EXT2: variants seen among roughly 807,000 people sequenced by gnomAD.
EXT2 encodes the protein exostosin-2.
EXT2 carries 53 observed loss-of-function variants against 81.6 expected under a neutral mutation model. The ratio of observed to expected loss-of-function variants is 0.65; its 90% CI spans 0.52 to 0.82. The LOEUF is 0.82. Among genes scored for constraint, EXT2 ranks in the 40% least tolerant of loss-of-function variants. The pLI is 0.00. For missense variants in EXT2, 774 were observed against 910.2 expected, an observed-to-expected ratio of 0.85 and a Z score of 1.93; for synonymous variants, 320 against 340.0, an observed-to-expected ratio of 0.94 and a Z score of 0.65.
intron 9 of EXT2, 122 bp downstream of exon 9, chr11:44,198,140 C>A: frequency 9.9e-7 from 1 of 1,009,158 alleles, no homozygotes; most frequent in Non-Finnish European, 1.5e-6. Context: ...AGACAGCATG[C>A]CTCCATTTTT....
rs941387610 is a variant in EXT2 at position 44,248,705 on chromosome 11, C to T, written c.*4418C>T. 9.9e-5 allele frequency among the ~76,000 whole-genome samples: 15 copies of T among 152,168 alleles called. No homozygotes were observed. The highest frequency in any genetic ancestry group is 2.1e-4 in the Non-Finnish European group (14 of 68,026). On this transcript the variant is annotated 3_prime_UTR_variant, in exon 14 of 14. Coordinates refer to ENST00000533608, the MANE Select transcript of EXT2 (RefSeq NM_207122.2). ...GTAAGCTCAAGCCACAGCCTCTTTT[C>T]CACCTCCATTAAATGGACTGTTAGG...
intron 5 of EXT2, among the ~76,000 whole-genome samples, chr11:44,125,216 A>G (rs1164207738): frequency 6.6e-6 from 1 of 152,156 alleles, no homozygotes; most frequent in Admixed American, 6.5e-5. Flanking sequence ...CCTTTCAGAT[A>G]TTCATTATAC....
At chr11:44,228,684 C>G (rs1180161517) in intron 10 of EXT2, among the ~76,000 whole-genome samples, 1 of 152,156 alleles carries the variant, frequency 6.6e-6, no homozygotes, top group Admixed American at 6.5e-5. Flanking sequence ...CCAAAGCAAC[C>G]TGAAATTCAG....
intron 1 of EXT2, among the ~76,000 whole-genome samples, chr11:44,105,891 AAAC>A (rs1331190300): frequency 2.6e-5 from 4 of 152,238 alleles, no homozygotes; most frequent in African/African-American, 9.6e-5. Context: ...TAGAAGCTTT[AAAC>A]AACAACAGTC....
chr11:44,097,785 T>A lies in EXT2; in HGVS notation c.-31+1933T>A, dbSNP rs1391732082. 7.3e-4 allele frequency among the ~76,000 whole-genome samples: 108 copies of A among 147,588 alleles called. 1 individual carries two copies. Among genetic ancestry groups the A allele is most frequent in the African/African-American group, 1.8e-3 (74 of 40,048 alleles). On this transcript the variant is annotated intron_variant, in intron 1 of 13. Transcript: ENST00000533608. The stretch of plus-strand genomic sequence containing the variant: ...AAAAATAAATAAATAAATAAATAAA[T>A]AAATAAATAAATAAAATAAAAATAA...
chr11:44,145,059 T>C (rs1046809928), intron 7 of EXT2, among the ~76,000 whole-genome samples: 1 of 151,982 alleles, frequency 6.6e-6, no homozygotes, highest in Non-Finnish European at 1.5e-5. Context: ...TTCCATTCCA[T>C]CTTCAGAAAA....
At chr11:44,191,946 C>T (rs1014985595) in intron 8 of EXT2, among the ~76,000 whole-genome samples, 6 of 152,172 alleles carry the variant, frequency 3.9e-5, no homozygotes, top group South Asian at 2.1e-4. Flanking sequence ...TAGAGCATAA[C>T]GGTAGCCATG....
chr11:44,222,045 C>G (rs1265882001), intron 10 of EXT2, among the ~76,000 whole-genome samples: 1 of 152,148 alleles, frequency 6.6e-6, no homozygotes, highest in African/African-American at 2.4e-5. Context: ...ATATTTATTT[C>G]TTGGTGCATG....
chr11:44,206,765 A>G, intron 9 of EXT2, 28 bp from the exon 10 acceptor site: 1 of 1,613,560 alleles, frequency 6.2e-7, no homozygotes, highest in African/African-American at 1.3e-5. Flanking sequence ...AGTTAGGAGA[A>G]TAGTAAATAC....
At chr11:44,201,263 A>T (rs1236358244) in intron 9 of EXT2, among the ~76,000 whole-genome samples, 1 of 152,204 alleles carries the variant, frequency 6.6e-6, no homozygotes, top group African/African-American at 2.4e-5. Context: ...TCTGCATTCT[A>T]GGGGTCACCC....
intron 13 of EXT2, among the ~76,000 whole-genome samples, chr11:44,242,017 C>T (rs1284052920): frequency 6.6e-6 from 1 of 152,174 alleles, no homozygotes; most frequent in African/African-American, 2.4e-5. Context: ...CTGGCCTGAG[C>T]CCCAGTGGCT....
At chr11:44,098,961 G>A (rs1271815263) in intron 1 of EXT2, among the ~76,000 whole-genome samples, 1 of 152,084 alleles carries the variant, frequency 6.6e-6, no homozygotes, top group East Asian at 1.9e-4. Flanking sequence ...ACAGACATTT[G>A]TTCGTTCAAC....
chr11:44,161,107 GAA>G (rs1954921941), intron 7 of EXT2, among the ~76,000 whole-genome samples: 1 of 152,156 alleles, frequency 6.6e-6, no homozygotes, highest in Non-Finnish European at 1.5e-5. Flanking sequence ...GGAAATATCT[GAA>G]GTCTCAGTAG....
chr11:44,147,025 A>G (rs908079752), intron 7 of EXT2, among the ~76,000 whole-genome samples: 3 of 152,182 alleles, frequency 2.0e-5, no homozygotes, highest in African/African-American at 7.2e-5. Context: ...GATTTATGAA[A>G]GTAACATATC....
intron 9 of EXT2, among the ~76,000 whole-genome samples, chr11:44,200,980 A>G (rs144513661): frequency 2.0e-5 from 3 of 152,344 alleles, no homozygotes; most frequent in Non-Finnish European, 4.4e-5. Flanking sequence ...GAGCTGGACT[A>G]AAGCTCATAC....
chr11:44,120,092 C>G (rs1954294823), intron 4 of EXT2, among the ~76,000 whole-genome samples: 1 of 152,178 alleles, frequency 6.6e-6, no homozygotes. Flanking sequence ...AGAAAAACCA[C>G]TCCAAACAGT....
intron 8 of EXT2, among the ~76,000 whole-genome samples, chr11:44,178,353 G>A (rs1955187335): frequency 6.6e-6 from 1 of 152,178 alleles, no homozygotes; most frequent in South Asian, 2.1e-4. Flanking sequence ...CACTGTGAGT[G>A]TCCTAACTCA....
Position 44,234,252 on chromosome 11 carries a change from C to T in EXT2, c.1935+9C>T, listed in dbSNP as rs1478600895. ...GAAAAGCAGTTATCAAGGTAGGAGG[C>T]TCTGCCACTCACTTGCTTTGTGATC... On this transcript the variant is annotated intron_variant, in intron 12 of 13. Coordinates refer to ENST00000533608, the MANE Select transcript of EXT2 (RefSeq NM_207122.2). 1 of 1,613,162 alleles carries T rather than the reference C, an allele frequency of 6.2e-7. No homozygotes were observed. The highest frequency in any genetic ancestry group is 8.5e-7 in the Non-Finnish European group (1 of 1,179,552).
intron 13 of EXT2, among the ~76,000 whole-genome samples, chr11:44,240,109 T>C (rs541751479): frequency 5.7e-4 from 87 of 152,228 alleles, no homozygotes; most frequent in Admixed American, 1.6e-3. Flanking sequence ...TTTTTCCAGA[T>C]ATCTTTGATC....
Sources: allele counts gnomAD v4.1 joint callset (sites outside exome capture counted in the v4.1 genomes callset), GRCh38; gene constraint gnomAD v4.1.1; transcripts MANE v1.5; gene names NCBI Gene and HGNC (gene_info 2026-07-23, HGNC 2026-07-21).